Variants in LRP1B observed in about 807,000 individuals in gnomAD.
LRP1B encodes low-density lipoprotein receptor-related protein 1B.
LRP1B carries 217 observed loss-of-function variants against 556.6 expected under a neutral mutation model. The observed-to-expected ratio is 0.39, with a 90% CI of 0.35 to 0.44. LRP1B has a LOEUF of 0.44. LRP1B is among the 20% of genes least tolerant of loss of function. LRP1B has a pLI of 1.00. For synonymous variants in LRP1B, 2,047 were observed against 1,865.8 expected (o/e 1.10, Z -2.50); for missense variants, 5,053 against 5,620.8 (o/e 0.90, Z 3.23).
At chr2:141,892,940 A>G (rs1387680979) in intron 1 of LRP1B, among the ~76,000 whole-genome samples, 1 of 152,160 alleles carries the variant, frequency 6.6e-6, no homozygotes. Context: ...AATTTGAGCT[A>G]TAGGTTTTCT....
chr2:140,873,494 G>T (rs1297593769), intron 25 of LRP1B, among the ~76,000 whole-genome samples: 4 of 151,916 alleles, frequency 2.6e-5, no homozygotes, highest in Non-Finnish European at 5.9e-5. Flanking sequence ...AAGTTAGTTT[G>T]GTCTACACCC....
intron 3 of LRP1B, among the ~76,000 whole-genome samples, chr2:141,412,404 TAAG>T (rs1012388437): frequency 2.0e-5 from 3 of 152,232 alleles, no homozygotes; most frequent in African/African-American, 7.2e-5. Flanking sequence ...TTATTTTATA[TAAG>T]AATTATTCTT....
intron 3 of LRP1B, among the ~76,000 whole-genome samples, chr2:141,290,157 ATATT>A (rs1402438109): frequency 1.3e-5 from 2 of 152,194 alleles, no homozygotes; most frequent in Non-Finnish European, 2.9e-5. Context: ...AAGAGAAAGG[ATATT>A]TAAACACCCT....
At chr2:141,809,828 C>T (rs1487766046) in intron 2 of LRP1B, among the ~76,000 whole-genome samples, 1 of 151,892 alleles carries the variant, frequency 6.6e-6, no homozygotes, top group Admixed American at 6.6e-5. Context: ...GGAACTAAAG[C>T]TTGATTTCTT....
chr2:140,381,766 G>A (rs1434909911), intron 67 of LRP1B, among the ~76,000 whole-genome samples: 14 of 150,760 alleles, frequency 9.3e-5, no homozygotes, highest in Middle Eastern at 3.4e-3. Flanking sequence ...GGGGGCTGAG[G>A]CAGGAGAATC....
chr2:141,139,083 C>T (rs1701564394), intron 7 of LRP1B, among the ~76,000 whole-genome samples: 1 of 151,744 alleles, frequency 6.6e-6, no homozygotes, highest in Non-Finnish European at 1.5e-5. Flanking sequence ...GATATGAAGG[C>T]ACTATAGTAG....
intron 27 of LRP1B, among the ~76,000 whole-genome samples, chr2:140,860,504 T>C (rs77044151): frequency 0.048 from 7,375 of 152,208 alleles, 213 homozygotes; most frequent in East Asian, 0.1. Context: ...CCTGCAAAAA[T>C]AGTACTATTT....
At chr2:141,236,896 T>C (rs939377122) in intron 5 of LRP1B, among the ~76,000 whole-genome samples, 14 of 152,184 alleles carry the variant, frequency 9.2e-5, no homozygotes, top group African/African-American at 3.4e-4. Context: ...AAACCTCTTC[T>C]ATGGTCCTCC....
At chr2:141,651,462 A>G (rs1689789809) in intron 2 of LRP1B, among the ~76,000 whole-genome samples, 1 of 152,140 alleles carries the variant, frequency 6.6e-6, no homozygotes, top group Non-Finnish European at 1.5e-5. Context: ...TCGGTAGTCC[A>G]AGATCAGCCT....
At chr2:140,714,781 G>T (rs924205153) in intron 37 of LRP1B, among the ~76,000 whole-genome samples, 3 of 152,016 alleles carry the variant, frequency 2.0e-5, no homozygotes, top group Non-Finnish European at 4.4e-5. Context: ...GGTGGCTCAT[G>T]CCTGTAAGTC....
At chr2:141,220,546 C>G (rs566219185) in intron 6 of LRP1B, among the ~76,000 whole-genome samples, 1 of 149,502 alleles carries the variant, frequency 6.7e-6, no homozygotes, top group East Asian at 2.0e-4. Context: ...GGCCAACATT[C>G]AAATCCAGAG....
intron 11 of LRP1B, among the ~76,000 whole-genome samples, chr2:141,028,558 A>C (rs992868460): frequency 2.0e-5 from 3 of 152,096 alleles, no homozygotes; most frequent in Non-Finnish European, 4.4e-5. Context: ...ATTCCTGAAA[A>C]ATCATCCAAG....
intron 2 of LRP1B, among the ~76,000 whole-genome samples, chr2:141,736,527 C>T (rs559249358): frequency 2.0e-5 from 3 of 151,952 alleles, no homozygotes; most frequent in Non-Finnish European, 2.9e-5. Flanking sequence ...AGCTAGTGGC[C>T]GAGACTCAAA....
intron 23 of LRP1B, among the ~76,000 whole-genome samples, chr2:140,889,191 C>G (rs957439249): frequency 3.9e-5 from 6 of 152,164 alleles, no homozygotes; most frequent in Non-Finnish European, 5.9e-5. Flanking sequence ...GAAAAGTTTA[C>G]ACCAATTAAA....
At chr2:141,601,718 A>G (rs1687751354) in intron 2 of LRP1B, among the ~76,000 whole-genome samples, 1 of 149,024 alleles carries the variant, frequency 6.7e-6, no homozygotes, top group Admixed American at 6.8e-5. Context: ...ATCTTGTCTC[A>G]CTGCCAACTC....
intron 43 of LRP1B, 24 bp downstream of exon 43, chr2:140,598,607 C>T (rs780215775): frequency 1.9e-6 from 3 of 1,563,636 alleles, no homozygotes; most frequent in African/African-American, 2.7e-5. Flanking sequence ...AACTCTATAA[C>T]CAAGAAATTC....
At chr2:140,325,014 GTAAATATA>G (rs973482455) in intron 80 of LRP1B, among the ~76,000 whole-genome samples, 1 of 151,628 alleles carries the variant, frequency 6.6e-6, no homozygotes, top group Non-Finnish European at 1.5e-5. Context: ...GCTATATTCA[GTAAATATA>G]TAACATGCAA....
intron 66 of LRP1B, among the ~76,000 whole-genome samples, chr2:140,395,489 G>A (rs573327761): frequency 6.6e-6 from 1 of 152,164 alleles, no homozygotes; most frequent in Non-Finnish European, 1.5e-5. Context: ...GCACTTACAG[G>A]GACAACCTGT....
chr2:140,886,430 A>G (rs1455024692), intron 23 of LRP1B, 95 bp from the exon 24 acceptor site: 3 of 670,702 alleles, frequency 4.5e-6, no homozygotes, highest in Non-Finnish European at 7.2e-6. Flanking sequence ...AGTATAATTT[A>G]TTACATAATT....
Sources: allele counts gnomAD v4.1 joint callset (sites outside exome capture counted in the v4.1 genomes callset), GRCh38; gene constraint gnomAD v4.1.1; transcripts MANE v1.5; gene names NCBI Gene and HGNC (gene_info 2026-07-23, HGNC 2026-07-21).